The following CAST variants were observed in gnomAD, a reference collection of about 807,000 sequenced individuals.
The protein encoded by CAST is calpastatin.
In CAST, 76 loss-of-function variants were observed where a neutral mutation model predicts 119.6. That is an observed-to-expected ratio of 0.64 (90% CI 0.53 to 0.77). The LOEUF (loss-of-function observed/expected upper bound fraction) is 0.77, where lower values mean the gene tolerates loss of function less well. Among genes scored for constraint, CAST ranks in the 30% least tolerant of loss-of-function variants. The pLI, the probability that CAST is intolerant of heterozygous loss-of-function variation, is 0.00. For missense variants in CAST, 953 were observed against 946.5 expected, an observed-to-expected ratio of 1.01 and a Z score of -0.09; for synonymous variants, 319 against 331.6, an observed-to-expected ratio of 0.96 and a Z score of 0.41.
At chr5:96,666,221 T>C (rs1365533539) in intron 1 of CAST, among the ~76,000 whole-genome samples, 1 of 151,396 alleles carries the variant, frequency 6.6e-6, no homozygotes, top group Non-Finnish European at 1.5e-5. Flanking sequence ...CCATCAATCC[T>C]ATTGACTTTA....
At chr5:96,619,875 T>C (rs2611719) in intron 1 of CAST, among the ~76,000 whole-genome samples, 25,771 of 152,112 alleles carry the variant, frequency 0.17, 2,740 homozygotes, top group African/African-American at 0.3. Context: ...CAAGCCAGTA[T>C]GGTGGGTTAC....
At chr5:96,768,912 CACT>C (rs1771075680) in intron 29 of CAST, 1 of 153,612 alleles carries the variant, frequency 6.5e-6, no homozygotes, top group Non-Finnish European at 1.4e-5. Flanking sequence ...TGTATCACAC[CACT>C]GAGCTACGCA....
intron 3 of CAST, among the ~76,000 whole-genome samples, chr5:96,704,587 A>T (rs1332089287): frequency 6.6e-6 from 1 of 152,204 alleles, no homozygotes; most frequent in Non-Finnish European, 1.5e-5. Context: ...AATTAGTCCT[A>T]TTCAAATAAA....
intron 1 of CAST, among the ~76,000 whole-genome samples, chr5:96,534,134 T>C (rs893427323): frequency 2.0e-5 from 3 of 152,324 alleles, no homozygotes; most frequent in African/African-American, 7.2e-5. Flanking sequence ...TCAGTAGTAA[T>C]AGTAACAAAT....
the CAST span, chr5:96,425,985 C>T: frequency 1.1e-6 from 1 of 936,186 alleles, no homozygotes; most frequent in African/African-American, 1.6e-5. Context: ...CCTCTGTATA[C>T]TTCCTCTAAC....
chr5:96,068,457 C>G, the CAST span, among the ~76,000 whole-genome samples: 3 of 152,038 alleles, frequency 2.0e-5, no homozygotes, highest in African/African-American at 4.8e-5. Context: ...TTCAACTTCT[C>G]CTGCTCCATA....
the CAST span, among the ~76,000 whole-genome samples, chr5:96,452,676 C>T: frequency 0.13 from 17,492 of 131,914 alleles, 1,237 homozygotes; most frequent in Middle Eastern, 0.15. Flanking sequence ...AGAGGCCGGG[C>T]GCGGTGGCTC....
chr5:96,709,828 A>G (rs1416628007), intron 3 of CAST, among the ~76,000 whole-genome samples: 2 of 152,242 alleles, frequency 1.3e-5, no homozygotes, highest in African/African-American at 2.4e-5. Context: ...GTTTTAAAAA[A>G]TATCCTGGCA....
At chr5:96,244,966 TTAAATC>T in the CAST span, among the ~76,000 whole-genome samples, 1 of 152,200 alleles carries the variant, frequency 6.6e-6, no homozygotes, top group African/African-American at 2.4e-5. Context: ...ATTATTTAGA[TTAAATC>T]TAAAATATGT....
intron 1 of CAST, among the ~76,000 whole-genome samples, chr5:96,593,196 C>T (rs995954005): frequency 1.3e-5 from 2 of 152,374 alleles, no homozygotes; most frequent in African/African-American, 4.8e-5. Flanking sequence ...TGTGCCGTTG[C>T]ACCTGCTGTC....
At chr5:95,998,149 A>AT in the CAST span, among the ~76,000 whole-genome samples, 2 of 151,562 alleles carry the variant, frequency 1.3e-5, no homozygotes, top group South Asian at 4.2e-4. Context: ...AGTGAGGTAT[A>AT]TTTTACATCT....
upstream of CAST, among the ~76,000 whole-genome samples, chr5:96,659,061 T>C (rs1209780880): frequency 6.6e-6 from 1 of 152,230 alleles, no homozygotes; most frequent in Non-Finnish European, 1.5e-5. Flanking sequence ...GGTGGAGCAG[T>C]CAAAACACAC....
At chr5:96,239,897 T>A in the CAST span, among the ~76,000 whole-genome samples, 1 of 152,126 alleles carries the variant, frequency 6.6e-6, no homozygotes, top group Non-Finnish European at 1.5e-5. Context: ...TTTTGCGTCT[T>A]TTGGACTTCT....
chr5:96,237,826 G>C, the CAST span, among the ~76,000 whole-genome samples: 1 of 151,830 alleles, frequency 6.6e-6, no homozygotes, highest in South Asian at 2.1e-4. Flanking sequence ...TTTGTCCAAA[G>C]AATTTCTCAT....
chr5:96,603,320 G>T (rs1747190924), intron 1 of CAST, among the ~76,000 whole-genome samples: 1 of 152,104 alleles, frequency 6.6e-6, no homozygotes, highest in Non-Finnish European at 1.5e-5. Flanking sequence ...AAAAGCAAAT[G>T]CATCGTTCAG....
intron 1 of CAST, among the ~76,000 whole-genome samples, chr5:96,534,971 A>T (rs1745777786): frequency 6.6e-6 from 1 of 151,950 alleles, no homozygotes; most frequent in South Asian, 2.1e-4. Context: ...GAAAAAGAAA[A>T]CTACAGTAGG....
At chr5:96,369,191 T>C in the CAST span, among the ~76,000 whole-genome samples, 1 of 151,858 alleles carries the variant, frequency 6.6e-6, no homozygotes, top group Admixed American at 6.5e-5. Flanking sequence ...TTTAATTTTC[T>C]TTTAAATAAA....
chr5:96,468,589 C>T, the CAST span, among the ~76,000 whole-genome samples: 1 of 152,054 alleles, frequency 6.6e-6, no homozygotes, highest in Non-Finnish European at 1.5e-5. Flanking sequence ...ATTCATAAAA[C>T]AATTTTACAT....
At chr5:96,532,141 G>C (rs1745700127) in intron 1 of CAST, among the ~76,000 whole-genome samples, 1 of 151,912 alleles carries the variant, frequency 6.6e-6, no homozygotes, top group Non-Finnish European at 1.5e-5. Flanking sequence ...ATTTCCAAGT[G>C]TTCCAACAAC....
Sources: gnomAD v4.1 joint callset for allele counts (sites outside exome capture counted in the v4.1 genomes callset) on GRCh38, gnomAD v4.1.1 for gene constraint, MANE v1.5 for transcripts, NCBI Gene and HGNC (gene_info 2026-07-23, HGNC 2026-07-21) for gene names.